The following NET1 variants were observed in gnomAD, a reference collection of about 807,000 sequenced individuals.
NET1 encodes the protein neuroepithelial cell transforming 1.
In NET1, 42 loss-of-function variants were observed where a neutral mutation model predicts 61.1. The ratio of observed to expected loss-of-function variants is 0.69; its 90% CI spans 0.54 to 0.89. The LOEUF (loss-of-function observed/expected upper bound fraction) is 0.89. Ranked by LOEUF, NET1 falls within the 40% of genes least tolerant of loss-of-function variation. The pLI is 0.00. For missense variants in NET1, 654 were observed against 747.3 expected (o/e 0.88, Z 1.46); for synonymous variants, 254 against 281.8 (o/e 0.90, Z 0.99).
In NET1 at chr10:5,431,855, C is replaced by T. The variant is rs1832355457; in HGVS notation, c.255+2626C>T. ...CTAGTCTCAAGCAGTGCTCCTACCT[C>T]GGCCTCCCAAAGTGCTGGGATTACA... On this transcript the variant is annotated intron_variant, in intron 3 of 11. Coordinates refer to ENST00000355029, the MANE Select transcript of NET1 (RefSeq NM_001047160.3). This position sits in a 1 kb window ranked among gnomAD's most constrained non-coding sequence, Gnocchi z 4.9. Among the ~76,000 whole-genome samples, 4 of 152,130 alleles carry T rather than the reference C, an allele frequency of 2.6e-5. No homozygotes were observed.
At chr10:5,432,442 T>C (rs1345976846) in intron 3 of NET1, among the ~76,000 whole-genome samples, 1 of 152,190 alleles carries the variant, frequency 6.6e-6, no homozygotes, top group Non-Finnish European at 1.5e-5. Context: ...TTTTCTTGCA[T>C]TTTTCAGCTT....
At position 5,457,328 on chromosome 10, in the gene NET1, A is replaced by G. The variant is rs1588443144; in HGVS notation, c.*334A>G. The G allele has an allele frequency of 5.9e-6, 1 of 168,450 alleles. No individual in the cohort carries two copies. Among genetic ancestry groups the G allele is most frequent in the East Asian group, 1.6e-4 (1 of 6,162 alleles). 10.4% of individuals were successfully genotyped at this position (168,450 alleles called of 1,614,324 possible). A position where few individuals can be genotyped will look rare whatever the true frequency, so the allele number is the denominator to read the frequency against. On this transcript the variant is annotated 3_prime_UTR_variant, in exon 12 of 12. Coordinates refer to ENST00000355029, the MANE Select transcript of NET1 (RefSeq NM_001047160.3). This position sits in a 1 kb window ranked among gnomAD's most constrained non-coding sequence, Gnocchi z 5.4. ...TAATACCAATTGTAATATTTACAAT[A>G]TTCACCAAAACTTAGAATTTTGCAA...
rs72779852 is a variant in NET1, at chr10:5,444,126, A to G, written c.256-7704A>G. Among the ~76,000 whole-genome samples the G allele has an allele frequency of 4.9e-4, 74 of 152,368 alleles. No individual in the cohort carries two copies. The highest frequency in any genetic ancestry group is 7.2e-4 in the Non-Finnish European group (49 of 68,040). On this transcript the variant is annotated intron_variant, in intron 3 of 11. Transcript: ENST00000355029. This position sits in a 1 kb window ranked among gnomAD's most constrained non-coding sequence, Gnocchi z 5.3. ...AGTCCACAATCGCTCAGGTGCTTCT[A>G]CTTTCATGCTATATGGAAATATCTT...
intron 3 of NET1, among the ~76,000 whole-genome samples, chr10:5,434,761 C>A (rs1832401383): frequency 7.2e-6 from 1 of 138,922 alleles, no homozygotes; most frequent in African/African-American, 2.7e-5. Flanking sequence ...AAAGACCTGT[C>A]AAAGAATTAA....
intron 3 of NET1, among the ~76,000 whole-genome samples, chr10:5,436,248 A>ATAT (rs1564462826): frequency 1.5e-3 from 28 of 18,426 alleles, no homozygotes; most frequent in East Asian, 3.8e-3. Flanking sequence ...ATATATATAT[A>ATAT]TTTTTTTTTT....
In NET1 at chr10:5,453,201, A is replaced by G. The variant is rs373341552; in HGVS notation, c.595-49A>G. 4 of 1,061,320 alleles carry G rather than the reference A, an allele frequency of 3.8e-6. No individual in the cohort carries two copies. The highest frequency in any genetic ancestry group is 5.9e-6 in the Non-Finnish European group (4 of 676,488). 65.7% of individuals were successfully genotyped at this position (1,061,320 alleles called of 1,614,324 possible). ...CTTTGTTTCCAAGTATAGATCCCTC[A>G]TGTTTTCCTCACATGATCTCTCTGT... On this transcript the variant is annotated intron_variant, in intron 6 of 11. Transcript: ENST00000355029. The surrounding 1 kb of genome is among the most constrained non-coding windows in gnomAD (Gnocchi z 4.9).
intron 2 of NET1, among the ~76,000 whole-genome samples, chr10:5,428,660 A>G (rs556027081): frequency 2.6e-5 from 4 of 151,818 alleles, no homozygotes; most frequent in Non-Finnish European, 5.9e-5. Context: ...GTCAGGGGAG[A>G]CTGTTCAGAT....
At chr10:5,436,248 ATTTTTTTTTT>A (rs1190534260) in intron 3 of NET1, among the ~76,000 whole-genome samples, 4 of 18,420 alleles carry the variant, frequency 2.2e-4, no homozygotes, top group African/African-American at 8.8e-4. Context: ...ATATATATAT[ATTTTTTTTTT>A]TTTTTTTTTT....
At chr10:5,432,462 C>T (rs916554482) in intron 3 of NET1, among the ~76,000 whole-genome samples, 3 of 152,016 alleles carry the variant, frequency 2.0e-5, no homozygotes, top group Non-Finnish European at 4.4e-5. Flanking sequence ...TTGTTTAAAC[C>T]TATAGGTTAT....
At position 5,456,225 on chromosome 10, in the gene NET1, G is replaced by A. The variant is rs1200547755; in HGVS notation, c.1336G>A (p.Val446Met). 1 of 1,614,126 alleles carries A rather than the reference G, an allele frequency of 6.2e-7. No homozygotes were observed. Among genetic ancestry groups the A allele is most frequent in the Non-Finnish European group, 8.5e-7 (1 of 1,180,008 alleles). Reference sequence around the variant, plus strand: ...CCTAGAAGACCTGCAGGATGGAGATGTGAGAATGGGAGGCTCCTTTCGAGG... The same window carrying A: ...CCTAGAAGACCTGCAGGATGGAGATATGAGAATGGGAGGCTCCTTTCGAGG... The part of the protein sequence containing the change: ...LVLEDLQDGD[V>M]RMGGSFRGAF... The change falls in exon 11 of 12, where the codon GTG (valine) becomes ATG (methionine). Residue 446 changes from valine (V) to methionine (M), a missense_variant. Coordinates refer to ENST00000355029, the MANE Select transcript of NET1 (RefSeq NM_001047160.3). The surrounding 1 kb of genome is among the most constrained non-coding windows in gnomAD (Gnocchi z 7.0).
At position 5,412,760 on chromosome 10, in the gene NET1, T is replaced by C. The variant is rs1832015987; in HGVS notation, c.68T>C (p.Leu23Pro). The C allele has an allele frequency of 2.0e-6, 3 of 1,475,780 alleles. No individual in the cohort carries two copies. Among genetic ancestry groups the C allele is most frequent in the Non-Finnish European group, 2.7e-6 (3 of 1,118,686 alleles). The allele number at this position is 1,475,780 out of a possible 1,614,324, so 91.4% of individuals were successfully genotyped here. A position where few individuals can be genotyped will look rare whatever the true frequency, so the allele number is the denominator to read the frequency against. Residue 23 changes from leucine to proline, a missense_variant, in exon 1 of 12, where the codon CTC becomes CCC. Leu to Pro is a moderately conservative substitution (Grantham distance 98, BLOSUM62 -3). Transcript: ENST00000355029. The surrounding 1 kb of genome is among the most constrained non-coding windows in gnomAD (Gnocchi z 6.5). ...PRRRSRRASG[L>P]STEGATGPSA... ...AGGCGAAGCCGCCGGGCCTCTGGGC[T>C]CAGCACGGAGGGAGCGACGGGGCCT...
intron 2 of NET1, among the ~76,000 whole-genome samples, chr10:5,428,421 A>C (rs944006127): frequency 2.3e-4 from 31 of 137,746 alleles, no homozygotes; most frequent in African/African-American, 8.5e-4. Flanking sequence ...ACAAATCTTA[A>C]TTACTTTGGG....
rs1298323006 is a variant in NET1, at chr10:5,423,570, TTAAATGTTG to T, written c.129-3081_129-3073del. 1.3e-5 allele frequency among the ~76,000 whole-genome samples: 2 copies of T among 152,216 alleles called. No individual in the cohort carries two copies. The highest frequency in any genetic ancestry group is 4.8e-5 in the African/African-American group (2 of 41,466). Reference sequence around the variant, plus strand: ...TTAATGTATTAGTTTATTTTATTCCTTAAATGTTGTAATTATTTGGATATATAGAAAAAT... The same window carrying T: ...TTAATGTATTAGTTTATTTTATTCCTTAATTATTTGGATATATAGAAAAAT... On this transcript the variant is annotated intron_variant, in intron 1 of 11. Coordinates refer to ENST00000355029, the MANE Select transcript of NET1 (RefSeq NM_001047160.3). This position sits in a 1 kb window ranked among gnomAD's most constrained non-coding sequence, Gnocchi z 4.4.
chr10:5,427,738 A>T lies in NET1; in HGVS notation c.195+1017A>T, dbSNP rs769617140. 2.0e-5 allele frequency among the ~76,000 whole-genome samples: 3 copies of T among 152,164 alleles called. No individual in the cohort carries two copies. The highest frequency in any genetic ancestry group is 4.4e-5 in the Non-Finnish European group (3 of 68,030). ...AATGTCTTTTAGCTCAATTCAAAAC[A>T]GTGTGTTATAATTTTGCTCTGCTGC... is the stretch of plus-strand genomic sequence containing the variant. On this transcript the variant is annotated intron_variant, in intron 2 of 11. Coordinates refer to ENST00000355029, the MANE Select transcript of NET1 (RefSeq NM_001047160.3). The surrounding 1 kb of genome is among the most constrained non-coding windows in gnomAD (Gnocchi z 4.1).
chr10:5,451,932 A>C lies in NET1; in HGVS notation c.358A>C (p.Ile120Leu). The change falls in exon 4 of 12, where the codon ATA (isoleucine) becomes CTA (leucine). Residue 120 changes from isoleucine (I) to leucine (L), a missense_variant. By Grantham distance (5) the Ile-to-Leu change is conservative. Transcript: ENST00000355029. This position sits in a 1 kb window ranked among gnomAD's most constrained non-coding sequence, Gnocchi z 6.1. The stretch of plus-strand genomic sequence containing the variant: ...AGCTGTCAGACGTTTTGGTCAAACA[A>C]TACAGGTAAAAAGAGAGGAGGAAGA... ...NGAVRRFGQT[I>L]QSFTLRGDHR... 6.2e-7 allele frequency: 1 copy of C among 1,612,036 alleles called. No individual in the cohort carries two copies. Among genetic ancestry groups the C allele is most frequent in the Non-Finnish European group, 8.5e-7 (1 of 1,178,316 alleles).
chr10:5,440,357 A>G lies in NET1; in HGVS notation c.255+11128A>G, dbSNP rs1832506090. The stretch of plus-strand genomic sequence containing the variant: ...CAGATCAGTAACCACAACCATAACC[A>G]TGTAACAAATGCTAGATGATTTGTT... On this transcript the variant is annotated intron_variant, in intron 3 of 11. Coordinates refer to ENST00000355029, the MANE Select transcript of NET1 (RefSeq NM_001047160.3). This position sits in a 1 kb window ranked among gnomAD's most constrained non-coding sequence, Gnocchi z 4.1. 6.6e-6 allele frequency among the ~76,000 whole-genome samples: 1 copy of G among 152,206 alleles called. No homozygotes were observed. Among genetic ancestry groups the G allele is most frequent in the Non-Finnish European group, 1.5e-5 (1 of 68,036 alleles).
chr10:5,435,317 G>A lies in NET1; in HGVS notation c.255+6088G>A, dbSNP rs1436048379. On this transcript the variant is annotated intron_variant, in intron 3 of 11. Transcript: ENST00000355029. This position sits in a 1 kb window ranked among gnomAD's most constrained non-coding sequence, Gnocchi z 5.0. ...TATAGCTAGAGTTAAAAACTAGAAT[G>A]TGACATTCTTAAAGTTATTCCTCCC... 6.6e-6 allele frequency among the ~76,000 whole-genome samples: 1 copy of A among 152,164 alleles called. No individual in the cohort carries two copies. The highest frequency in any genetic ancestry group is 2.4e-5 in the African/African-American group (1 of 41,434).
rs775718395 is a variant in NET1, at chr10:5,412,825, G to T, written c.128+5G>T. ...CGGGTCGGAGCTGGACGGGAGGTGA[G>T]TGTGGGGGAGGGGAGGGCCGAACGG... On this transcript the variant is annotated splice_donor_5th_base_variant and intron_variant, in intron 1 of 11. Transcript: ENST00000355029. The surrounding 1 kb of genome is among the most constrained non-coding windows in gnomAD (Gnocchi z 6.5). The T allele has an allele frequency of 7.1e-5, 100 of 1,405,538 alleles. No individual in the cohort carries two copies. The highest frequency in any genetic ancestry group is 8.9e-5 in the Non-Finnish European group (97 of 1,083,814). 87.1% of individuals were successfully genotyped at this position (1,405,538 alleles called of 1,614,324 possible).
At chr10:5,414,330 A>T (rs1018310160) in intron 1 of NET1, among the ~76,000 whole-genome samples, 2 of 152,240 alleles carry the variant, frequency 1.3e-5, no homozygotes, top group Admixed American at 1.3e-4. Flanking sequence ...AGCCAATGGC[A>T]TGACATATTT....
Sources: gnomAD v4.1 joint callset for allele counts (sites outside exome capture counted in the v4.1 genomes callset) on GRCh38, gnomAD v4.1.1 for gene constraint, Gnocchi (gnomAD v3.1) non-coding constraint, MANE v1.5 for transcripts, NCBI Gene and HGNC (gene_info 2026-07-23, HGNC 2026-07-21) for gene names.